Variants in TTYH2 observed in about 807,000 individuals in gnomAD.
The protein encoded by TTYH2 is protein tweety homolog 2.
Under a neutral mutation model 68.3 loss-of-function variants are expected in TTYH2, and 49 were observed. That is an observed-to-expected ratio of 0.72 (90% CI 0.57 to 0.91). TTYH2 has a LOEUF of 0.91. Ranked by LOEUF, TTYH2 falls within the 40% of genes least tolerant of loss-of-function variation. The pLI, the probability that TTYH2 is intolerant of heterozygous loss-of-function variation, is 0.00. For synonymous variants in TTYH2, 272 were observed against 300.8 expected, an observed-to-expected ratio of 0.90 and a Z score of 0.99; for missense variants, 631 against 700.4, an observed-to-expected ratio of 0.90 and a Z score of 1.12.
At chr17:74,245,928 T>A (rs2050553301) in intron 6 of TTYH2, among the ~76,000 whole-genome samples, 1 of 148,246 alleles carries the variant, frequency 6.7e-6, no homozygotes, top group East Asian at 2.1e-4. Flanking sequence ...TAGAAAGGAC[T>A]CCATGAGGAC....
chr17:74,253,379 A>T (rs1404185619), intron 12 of TTYH2, 113 bp downstream of exon 12: 10 of 1,308,972 alleles, frequency 7.6e-6, no homozygotes, highest in Non-Finnish European at 1.0e-5. Flanking sequence ...CGTGGTCCCC[A>T]CTACAGCCAC....
intron 6 of TTYH2, among the ~76,000 whole-genome samples, chr17:74,246,638 C>T (rs1022146226): frequency 6.6e-6 from 1 of 152,188 alleles, no homozygotes; most frequent in African/African-American, 2.4e-5. Flanking sequence ...CCTTCCTGTC[C>T]CCTCTCCTGC....
intron 3 of TTYH2, among the ~76,000 whole-genome samples, chr17:74,233,466 TA>T (rs2050410574): frequency 6.6e-6 from 1 of 152,214 alleles, no homozygotes; most frequent in Non-Finnish European, 1.5e-5. Context: ...TTAATTACTG[TA>T]ATCACCTTGG....
At chr17:74,218,991 G>A (rs901586236) in intron 1 of TTYH2, among the ~76,000 whole-genome samples, 7 of 152,242 alleles carry the variant, frequency 4.6e-5, no homozygotes, top group Middle Eastern at 3.4e-3. Flanking sequence ...GCACTTTGGG[G>A]AGCCGAGGCA....
chr17:74,253,613 C>A, intron 12 of TTYH2, 142 bp from the exon 13 acceptor site: 1 of 778,978 alleles, frequency 1.3e-6, no homozygotes, highest in South Asian at 1.6e-5. Flanking sequence ...CATATCTGCC[C>A]ACTGCACCCC....
intron 3 of TTYH2, among the ~76,000 whole-genome samples, chr17:74,233,753 G>A (rs1408365836): frequency 2.6e-5 from 4 of 152,096 alleles, no homozygotes; most frequent in African/African-American, 7.2e-5. Flanking sequence ...GGGATCAGGC[G>A]GTCCTGGGAG....
intron 13 of TTYH2, among the ~76,000 whole-genome samples, chr17:74,257,317 C>T (rs1448873398): frequency 6.6e-6 from 1 of 152,156 alleles, no homozygotes; most frequent in Non-Finnish European, 1.5e-5. Flanking sequence ...CTGCCCAGTC[C>T]CACCTAGCCC....
At position 74,241,597 on chromosome 17, in the gene TTYH2, CT is replaced by C. The variant is rs1246044627; in HGVS notation, c.636-1776del. 1.3e-5 allele frequency among the ~76,000 whole-genome samples: 2 copies of C among 152,170 alleles called. No homozygotes were observed. The highest frequency in any genetic ancestry group is 2.9e-5 in the Non-Finnish European group (2 of 68,028). On this transcript the variant is annotated intron_variant, in intron 4 of 13. Coordinates refer to ENST00000269346, the MANE Select transcript of TTYH2 (RefSeq NM_032646.6). The surrounding 1 kb of genome is among the most constrained non-coding windows in gnomAD (Gnocchi z 4.1). ...CTCCCTCCCCTCTCTCCCTCGGAGC[CT>C]CTTTGCCACTTTCTGCCAGCTCCAG...
At chr17:74,224,678 T>C (rs1349963564) in intron 2 of TTYH2, among the ~76,000 whole-genome samples, 1 of 152,084 alleles carries the variant, frequency 6.6e-6, no homozygotes, top group African/African-American at 2.4e-5. Flanking sequence ...CTGAGAACTG[T>C]GTACCAGTTT....
In TTYH2 at chr17:74,260,195, C is replaced by G. The variant is rs202240577; in HGVS notation, c.1591C>G (p.Gln531Glu). 5.0e-6 allele frequency: 8 copies of G among 1,613,990 alleles called. No individual in the cohort carries two copies. The South Asian group carries it at 7.7e-5, about 16-fold the overall frequency. ...TGAGCACCTGAGGCACTACGGGAAT[C>G]AGTTTCCAGCCTAACAGACTTTCGG... ...ADEHLRHYGN[Q>E]FPA Residue 531 changes from glutamine to glutamate, a missense_variant, in exon 14 of 14, where the codon CAG becomes GAG. Coordinates refer to ENST00000269346, the MANE Select transcript of TTYH2 (RefSeq NM_032646.6).
Position 74,218,900 on chromosome 17 carries a change from A to G in TTYH2, c.130-3585A>G, listed in dbSNP as rs191400144. 9.4e-4 allele frequency among the ~76,000 whole-genome samples: 143 copies of G among 152,292 alleles called. 3 individuals are homozygous for G. In the East Asian group the frequency reaches 0.025, roughly 26 times the overall value. ...ATGGTAACTGGGCTTCAGGCTACAC[A>G]GGTTTGTCTGGGGCTCCCTTACATT... On this transcript the variant is annotated intron_variant, in intron 1 of 13. Transcript: ENST00000269346.
Position 74,222,539 on chromosome 17 carries a change from T to C in TTYH2, c.184T>C (p.Phe62Leu), listed in dbSNP as rs757849048. 3 of 1,612,656 alleles carry C rather than the reference T, an allele frequency of 1.9e-6. No individual in the cohort carries two copies. The highest frequency in any genetic ancestry group is 1.7e-6 in the Non-Finnish European group (2 of 1,180,008). The change falls in exon 2 of 14, where the codon TTC becomes CTC. Residue 62 changes from phenylalanine (F) to leucine (L), a missense_variant. Coordinates refer to ENST00000269346, the MANE Select transcript of TTYH2 (RefSeq NM_032646.6). This position sits in a 1 kb window ranked among gnomAD's most constrained non-coding sequence, Gnocchi z 5.2. Reference protein sequence around the residue: ...AAVCLGLNLIFLVAYLVCACH... With the variant: ...AAVCLGLNLILLVAYLVCACH... ...CGTCTGCCTGGGCCTGAACCTCATC[T>C]TCCTTGTGGCTTACCTGGTCTGTGC...
rs1162889024 is a variant in TTYH2 at position 74,213,866 on chromosome 17, C to G, written c.129+150C>G. 9.3e-7 allele frequency: 1 copy of G among 1,077,822 alleles called. No individual in the cohort carries two copies. The highest frequency in any genetic ancestry group is 1.3e-6 in the Non-Finnish European group (1 of 763,482). The allele number at this position is 1,077,822 out of a possible 1,614,324, so 66.8% of individuals were successfully genotyped here. A position where few individuals can be genotyped will look rare whatever the true frequency, so the allele number is the denominator to read the frequency against. On this transcript the variant is annotated intron_variant, in intron 1 of 13. Transcript: ENST00000269346. This position sits in a 1 kb window ranked among gnomAD's most constrained non-coding sequence, Gnocchi z 6.1. Reference sequence around the variant, plus strand: ...TTCCCGTCTCCCCTCTCCCCTTTTCCCCCACCCTCCCAGGCCCGTGGCCCG... The same window carrying G: ...TTCCCGTCTCCCCTCTCCCCTTTTCGCCCACCCTCCCAGGCCCGTGGCCCG...
chr17:74,259,012 G>A (rs901104803), intron 13 of TTYH2, among the ~76,000 whole-genome samples: 2 of 151,630 alleles, frequency 1.3e-5, no homozygotes, highest in African/African-American at 2.4e-5. Context: ...CAGGTCCTGT[G>A]GACAAGATCC....
At chr17:74,250,454 C>T in intron 10 of TTYH2, 97 bp downstream of exon 10, 4 of 1,004,770 alleles carry the variant, frequency 4.0e-6, no homozygotes, top group Non-Finnish European at 4.4e-6. Flanking sequence ...GGAGCGATGG[C>T]CTGGGTCCCC....
At chr17:74,254,097 C>G (rs2050668304) in intron 13 of TTYH2, among the ~76,000 whole-genome samples, 1 of 152,220 alleles carries the variant, frequency 6.6e-6, no homozygotes, top group African/African-American at 2.4e-5. Context: ...GACTTGACGG[C>G]ACTGTTTGTC....
intron 10 of TTYH2, chr17:74,251,943 C>T (rs150388605): frequency 6.4e-4 from 245 of 384,130 alleles, no homozygotes; most frequent in African/African-American, 4.7e-3. Context: ...CTTCAGTGCC[C>T]CCGTCTCTGG....
At position 74,241,262 on chromosome 17, in the gene TTYH2, CGTGTGTGTGTGTGT is replaced by C. The variant is rs199960092; in HGVS notation, c.636-2090_636-2077del. ...ATAGACAGACCCGGTATTTATAATA[CGTGTGTGTGTGTGT>C]GTGTGTGTGTGTGTGTGTGTGCGTG... On this transcript the variant is annotated intron_variant, in intron 4 of 13. Transcript: ENST00000269346. This position sits in a 1 kb window ranked among gnomAD's most constrained non-coding sequence, Gnocchi z 4.1. 5.5e-5 allele frequency among the ~76,000 whole-genome samples: 8 copies of C among 144,794 alleles called. No homozygotes were observed. Among genetic ancestry groups the C allele is most frequent in the South Asian group, 4.5e-4 (2 of 4,436 alleles). 95.0% of individuals were successfully genotyped at this position (144,794 alleles called of 152,430 possible).
At chr17:74,227,983 C>CTTTT (rs35080135) in intron 2 of TTYH2, among the ~76,000 whole-genome samples, 4 of 112,508 alleles carry the variant, frequency 3.6e-5, no homozygotes, top group African/African-American at 9.3e-5. Context: ...TCTTTTCTTT[C>CTTTT]TTTTTTTTTT....
Sources: allele counts gnomAD v4.1 joint callset (sites outside exome capture counted in the v4.1 genomes callset), GRCh38; gene constraint gnomAD v4.1.1; non-coding constraint Gnocchi (gnomAD v3.1); transcripts MANE v1.5; gene names NCBI Gene and HGNC (gene_info 2026-07-23, HGNC 2026-07-21).